Variants in METTL5 observed in about 807,000 individuals in gnomAD.
METTL5 encodes rRNA N(6)-adenosine-methyltransferase METTL5.
In METTL5, 28 loss-of-function variants were observed where a neutral mutation model predicts 26.5. The ratio of observed to expected loss-of-function variants is 1.06; its 90% CI spans 0.78 to 1.45. The LOEUF is 1.45. Among genes scored for constraint, METTL5 ranks in the 40% most tolerant of loss-of-function variants. The pLI is 0.00. For synonymous variants in METTL5, 86 were observed against 82.6 expected, an observed-to-expected ratio of 1.04 and a Z score of -0.22; for missense variants, 231 against 249.9, an observed-to-expected ratio of 0.92 and a Z score of 0.51.
In METTL5 at chr2:169,821,242, C is replaced by T. The variant is rs201797308; in HGVS notation, c.256G>A (p.Ala86Thr). The T allele has an allele frequency of 3.0e-4, 489 of 1,609,450 alleles. No individual in the cohort carries two copies. Among genetic ancestry groups the T allele is most frequent in the Non-Finnish European group, 3.9e-4 (457 of 1,178,436 alleles). ...LCVGFDIDED[A>T]LEIFNRNAEE... Reference sequence around the variant, plus strand: ...GCATTCCTATTAAATATTTCCAATGCGTCTTCATCTATGTCAAATCCAACA... The same window carrying T: ...GCATTCCTATTAAATATTTCCAATGTGTCTTCATCTATGTCAAATCCAACA... Residue 86 changes from alanine (A) to threonine (T), a missense_variant, in exon 3 of 7, where the codon GCA (alanine) becomes ACA (threonine). Ala to Thr is a moderately conservative substitution (Grantham distance 58). Transcript: ENST00000260953.
chr2:169,817,562 A>C (rs1352479521), intron 4 of METTL5, among the ~76,000 whole-genome samples: 1 of 152,228 alleles, frequency 6.6e-6, no homozygotes, highest in Non-Finnish European at 1.5e-5. Context: ...CTGGATAAAG[A>C]AAATGTGGCA....
chr2:169,821,165 T>G lies in METTL5; in HGVS notation c.333A>C (p.Leu111Phe). 2 of 1,612,658 alleles carry G rather than the reference T, an allele frequency of 1.2e-6. No individual in the cohort carries two copies. The highest frequency in any genetic ancestry group is 8.5e-7 in the Non-Finnish European group (1 of 1,179,288). The change falls in exon 3 of 7, where the codon TTA becomes TTC. Residue 111 changes from leucine (L) to phenylalanine (F), a missense_variant. Leu to Phe is a conservative substitution (Grantham distance 22, BLOSUM62 0). Transcript: ENST00000260953. The stretch of plus-strand genomic sequence containing the variant: ...ATGACTTGGACATTCTGTTAGATAA[T>G]AAGCACACATCACATTGAACCATGT... The part of the protein sequence containing the change: ...NIDMVQCDVC[L>F]LSNRMSKSFD...
intron 5 of METTL5, 126 bp from the exon 6 acceptor site, chr2:169,812,632 C>T: frequency 9.8e-7 from 1 of 1,024,524 alleles, no homozygotes; most frequent in South Asian, 1.7e-5. Context: ...ATTTTAGAAC[C>T]TTTAACTTAT....
intron 3 of METTL5, 25 bp from the exon 4 acceptor site, chr2:169,819,668 C>T (rs750557394): frequency 6.7e-6 from 10 of 1,486,478 alleles, no homozygotes; most frequent in Admixed American, 3.6e-5. Context: ...AAAAAAGCTC[C>T]TATTTACCTC....
In METTL5 at chr2:169,819,563, C is replaced by G; in HGVS notation, c.487G>C (p.Glu163Gln). 6.2e-7 allele frequency: 1 copy of G among 1,605,732 alleles called. No homozygotes were observed. Among genetic ancestry groups the G allele is most frequent in the Non-Finnish European group, 8.5e-7 (1 of 1,173,980 alleles). The part of the protein sequence containing the change: ...VYSLHKSSTR[E>Q]HVQKKAAEWK... ...AATATCAGATGATTTGAACTTACTTCTCTAGTTGAGGATTTGTGTAAGGAA... is the reference window on the plus strand; with the variant it reads ...AATATCAGATGATTTGAACTTACTTGTCTAGTTGAGGATTTGTGTAAGGAA... Residue 163 changes from glutamate to glutamine, a missense_variant and splice_region_variant, in exon 4 of 7, where the codon GAA becomes CAA. Physicochemically the swap from Glu to Gln is conservative, Grantham distance 29. Transcript: ENST00000260953.
intron 4 of METTL5, among the ~76,000 whole-genome samples, chr2:169,818,732 C>A (rs1402748425): frequency 6.6e-6 from 1 of 152,148 alleles, no homozygotes; most frequent in Non-Finnish European, 1.5e-5. Flanking sequence ...ACTTTAAAAT[C>A]TTTGAATACA....
Position 169,821,974 on chromosome 2 carries a change from G to A in METTL5, c.193C>T (p.Leu65Phe). ...VADLGCGCGV[L>F]SIGTAMLGAG... is the part of the protein sequence containing the mutation. ...CCTAACATTGCAGTTCCGATGCTAA[G>A]TACTCCACAACCACATCCTAGATCT... The change falls in exon 2 of 7, where the codon CTT (leucine) becomes TTT (phenylalanine). Residue 65 changes from leucine (L) to phenylalanine (F), a missense_variant. Coordinates refer to ENST00000260953, the MANE Select transcript of METTL5 (RefSeq NM_014168.4). 1 of 1,613,268 alleles carries A rather than the reference G, an allele frequency of 6.2e-7. No homozygotes were observed. Among genetic ancestry groups the A allele is most frequent in the Non-Finnish European group, 8.5e-7 (1 of 1,179,918 alleles).
At chr2:169,812,411 A>G (rs1690002425) in intron 6 of METTL5, 46 bp downstream of exon 6, 2 of 1,613,596 alleles carry the variant, frequency 1.2e-6, no homozygotes, top group Non-Finnish European at 1.7e-6. Flanking sequence ...CGGCCCAGAA[A>G]GCTTTTCAAT....
At position 169,824,668 on chromosome 2, in the gene METTL5, CTTG is replaced by C; in HGVS notation, c.-74_-72del. 8.1e-7 allele frequency: 1 copy of C among 1,227,204 alleles called. No individual in the cohort carries two copies. Among genetic ancestry groups the C allele is most frequent in the South Asian group, 1.2e-5 (1 of 83,094 alleles). The allele number at this position is 1,227,204 out of a possible 1,614,324, so 76.0% of individuals were successfully genotyped here. On this transcript the variant is annotated 5_prime_UTR_variant, in exon 1 of 7. Transcript: ENST00000260953. ...GCGGAGAAATCTATTGAACTGGGAT[CTTG>C]TTTCCTCCCTACCCCCAACCTTCTC...
At position 169,821,764 on chromosome 2, in the gene METTL5, T is replaced by C. The variant is rs1044662184; in HGVS notation, c.224+179A>G. 2.0e-5 allele frequency among the ~76,000 whole-genome samples: 3 copies of C among 152,334 alleles called. No homozygotes were observed. In the South Asian group the frequency reaches 6.2e-4, roughly 32 times the overall value. ...ATAAAAGGAACTGCTGCTTTCACCA[T>C]TTTTATTTAATTTTTGTAGTTTGTT... On this transcript the variant is annotated intron_variant, in intron 2 of 6. Coordinates refer to ENST00000260953, the MANE Select transcript of METTL5 (RefSeq NM_014168.4).
intron 4 of METTL5, among the ~76,000 whole-genome samples, chr2:169,816,724 T>C (rs557738014): frequency 6.6e-6 from 1 of 152,322 alleles, no homozygotes; most frequent in South Asian, 2.1e-4. Flanking sequence ...TAAATGGTGC[T>C]GGGAAAACTG....
intron 1 of METTL5, among the ~76,000 whole-genome samples, chr2:169,824,001 T>C (rs2081619007): frequency 6.6e-6 from 1 of 152,242 alleles, no homozygotes; most frequent in African/African-American, 2.4e-5. Context: ...CAGCACATAC[T>C]CTGATTTTGT....
intron 1 of METTL5, among the ~76,000 whole-genome samples, chr2:169,823,068 T>A (rs1409089287): frequency 6.6e-6 from 1 of 152,084 alleles, no homozygotes; most frequent in Non-Finnish European, 1.5e-5. Flanking sequence ...CACTGCAGCC[T>A]GAAATTCCAG....
At chr2:169,824,301 A>G (rs1270979194) in intron 1 of METTL5, 188 bp downstream of exon 1, 7 of 552,010 alleles carry the variant, frequency 1.3e-5, no homozygotes, top group Non-Finnish European at 2.0e-5. Flanking sequence ...CAGTAAAATG[A>G]TAGTGTGTAT....
At chr2:169,818,894 G>A (rs1367930751) in intron 4 of METTL5, among the ~76,000 whole-genome samples, 2 of 152,130 alleles carry the variant, frequency 1.3e-5, no homozygotes, top group African/African-American at 2.4e-5. Flanking sequence ...GTACAGGTGA[G>A]GATAGTATAG....
rs183237151 is a variant in METTL5 at position 169,819,529 on chromosome 2, A to G, written c.489+32T>C. On this transcript the variant is annotated intron_variant, in intron 4 of 6. Coordinates refer to ENST00000260953, the MANE Select transcript of METTL5 (RefSeq NM_014168.4). ...AACACTGTCATGAATTTAAAAATCA[A>G]TGCCACAGAATATCAGATGATTTGA... 1.3e-3 allele frequency: 1,899 copies of G among 1,501,786 alleles called. 17 individuals carry two copies. In the African/African-American group the frequency reaches 0.02, roughly 15 times the overall value. 93.0% of individuals were successfully genotyped at this position (1,501,786 alleles called of 1,614,324 possible).
In METTL5 at chr2:169,821,342, G is replaced by C. The variant is rs2105721941; in HGVS notation, c.225-69C>G. 3 of 1,130,814 alleles carry C rather than the reference G, an allele frequency of 2.7e-6. No individual in the cohort carries two copies. The East Asian group carries it at 7.9e-5, about 30-fold the overall frequency. The allele number at this position is 1,130,814 out of a possible 1,614,324, so 70.0% of individuals were successfully genotyped here. ...CCAAGTAAAAACAAAACCAAAATTAGCTGTTTTTTTTTTAAACCATATATC... is the reference window on the plus strand; with the variant it reads ...CCAAGTAAAAACAAAACCAAAATTACCTGTTTTTTTTTTAAACCATATATC... On this transcript the variant is annotated intron_variant, in intron 2 of 6. Transcript: ENST00000260953.
chr2:169,824,481 C>G lies in METTL5; in HGVS notation c.109+8G>C, dbSNP rs748584413. 4.3e-5 allele frequency: 70 copies of G among 1,609,558 alleles called. No homozygotes were observed. The highest frequency in any genetic ancestry group is 1.6e-4 in the Middle Eastern group (1 of 6,080). On this transcript the variant is annotated splice_region_variant and intron_variant, in intron 1 of 6. Transcript: ENST00000260953. ...GAAAGCCGGGGCGTGGTGAACCAGC[C>G]GCCCTACCTGCAATGTGCGGCCTGG...
intron 2 of METTL5, 131 bp downstream of exon 2, chr2:169,821,812 T>G (rs1330212080): frequency 5.8e-6 from 4 of 688,022 alleles, no homozygotes; most frequent in Non-Finnish European, 9.7e-6. Flanking sequence ...CCATTCAAAA[T>G]GTATTCAGTA....
Sources: allele counts gnomAD v4.1 joint callset (sites outside exome capture counted in the v4.1 genomes callset), GRCh38; gene constraint gnomAD v4.1.1; transcripts MANE v1.5; gene names NCBI Gene and HGNC (gene_info 2026-07-23, HGNC 2026-07-21).